The following LRMDA variants were observed in gnomAD, a reference collection of about 807,000 sequenced individuals.
LRMDA encodes the protein leucine rich melanocyte differentiation associated, also known as leucine-rich melanocyte differentiation-associated protein.
LRMDA carries 18 observed loss-of-function variants against 29.8 expected under a neutral mutation model. The observed-to-expected ratio is 0.60, with a 90% CI of 0.42 to 0.90. The LOEUF (loss-of-function observed/expected upper bound fraction) is 0.90. Among genes scored for constraint, LRMDA ranks in the 40% least tolerant of loss-of-function variants. LRMDA has a pLI of 0.00. For missense variants in LRMDA, 273 were observed against 273.9 expected (o/e 1.00, Z 0.02); for synonymous variants, 125 against 109.4 (o/e 1.14, Z -0.89).
At chr10:75,932,595 G>A (rs974763392) in intron 2 of LRMDA, among the ~76,000 whole-genome samples, 1 of 152,064 alleles carries the variant, frequency 6.6e-6, no homozygotes, top group East Asian at 1.9e-4. Flanking sequence ...CTGGGCAATA[G>A]AGTGAGACTC....
chr10:75,940,785 C>T lies in LRMDA; in HGVS notation c.132-95223C>T, dbSNP rs148159118. On this transcript the variant is annotated intron_variant, in intron 2 of 6. Transcript: ENST00000611255. The stretch of plus-strand genomic sequence containing the variant: ...AATTTATGGGGTGTGTGTGTGTGTG[C>T]GCGCGCGTGTGTGTGTGTTGAGGGG... Among the ~76,000 whole-genome samples the T allele has an allele frequency of 1.7e-3, 259 of 150,540 alleles. No individual in the cohort carries two copies. In the East Asian group the frequency reaches 0.023, roughly 13 times the overall value.
intron 5 of LRMDA, among the ~76,000 whole-genome samples, chr10:76,226,121 A>G (rs1181136430): frequency 6.6e-6 from 1 of 151,850 alleles, no homozygotes; most frequent in East Asian, 1.9e-4. Context: ...TAATCCAGAG[A>G]CTGGATAATT....
chr10:76,557,003 CATTTT>C (rs1316492830), intron 6 of LRMDA, among the ~76,000 whole-genome samples: 1 of 152,146 alleles, frequency 6.6e-6, no homozygotes, highest in Non-Finnish European at 1.5e-5. Flanking sequence ...CTTGTAGTGA[CATTTT>C]ATTTCAATGT....
At chr10:75,698,001 G>A (rs1467496330) in intron 2 of LRMDA, among the ~76,000 whole-genome samples, 2 of 152,082 alleles carry the variant, frequency 1.3e-5, no homozygotes, top group Non-Finnish European at 1.5e-5. Context: ...CCTTACAGTC[G>A]CCCTCTGGAG....
chr10:75,830,221 G>A (rs551081311), intron 2 of LRMDA, among the ~76,000 whole-genome samples: 18 of 152,292 alleles, frequency 1.2e-4, no homozygotes, highest in Non-Finnish European at 2.1e-4. Context: ...CCCAGCAGAT[G>A]CTCAGGAGGT....
rs368070277 is a variant in LRMDA at position 76,184,677 on chromosome 10, TC to T, written c.516+125898del. Reference sequence around the variant, plus strand: ...GTAGAATTTTCTAAGTTTTAAAGTTTCCCCAATTGCCAGAGCTCAAGTATGT... The same window carrying T: ...GTAGAATTTTCTAAGTTTTAAAGTTTCCCAATTGCCAGAGCTCAAGTATGT... On this transcript the variant is annotated intron_variant, in intron 5 of 6. Transcript: ENST00000611255. Among the ~76,000 whole-genome samples the T allele has an allele frequency of 1.4e-3, 220 of 152,328 alleles. 1 individual carries two copies. The highest frequency in any genetic ancestry group is 5.1e-3 in the African/African-American group (212 of 41,582).
chr10:75,825,858 T>C (rs896591257), intron 2 of LRMDA, among the ~76,000 whole-genome samples: 1 of 152,138 alleles, frequency 6.6e-6, no homozygotes, highest in African/African-American at 2.4e-5. Flanking sequence ...AGGCGGAGGT[T>C]ACCCAGTGAC....
Position 75,559,449 on chromosome 10 carries a change from T to G in LRMDA, c.131+120955T>G, listed in dbSNP as rs571692310. Among the ~76,000 whole-genome samples, 9 of 151,920 alleles carry G rather than the reference T, an allele frequency of 5.9e-5. No individual in the cohort carries two copies. In the South Asian group the frequency reaches 1.7e-3, roughly 28 times the overall value. On this transcript the variant is annotated intron_variant, in intron 2 of 6. Coordinates refer to ENST00000611255, the MANE Select transcript of LRMDA (RefSeq NM_001305581.2). ...GGATATTAGCCCTTTGTCAGATGAG[T>G]AGGTTGCGAAAATTTTCTCCCATTT...
At chr10:76,298,298 G>A (rs931379789) in intron 5 of LRMDA, among the ~76,000 whole-genome samples, 1 of 152,210 alleles carries the variant, frequency 6.6e-6, no homozygotes, top group Non-Finnish European at 1.5e-5. Context: ...GGTACCAGCT[G>A]CATATTGGAG....
intron 2 of LRMDA, among the ~76,000 whole-genome samples, chr10:75,783,648 G>A (rs1843422819): frequency 6.6e-6 from 1 of 152,136 alleles, no homozygotes; most frequent in Admixed American, 6.6e-5. Context: ...CATGATGTAA[G>A]TATTAACCTT....
chr10:75,506,799 A>C (rs566598461), intron 2 of LRMDA, among the ~76,000 whole-genome samples: 2 of 152,334 alleles, frequency 1.3e-5, no homozygotes, highest in Non-Finnish European at 2.9e-5. Context: ...GTGTGAAAGC[A>C]GAGATTCTTT....
At chr10:76,395,610 C>T (rs1390669362) in intron 6 of LRMDA, among the ~76,000 whole-genome samples, 1 of 152,212 alleles carries the variant, frequency 6.6e-6, no homozygotes, top group East Asian at 1.9e-4. Flanking sequence ...TGTTATTTTG[C>T]TTATGTGTTC....
chr10:76,253,856 C>T (rs1852531990), intron 5 of LRMDA, among the ~76,000 whole-genome samples: 1 of 152,118 alleles, frequency 6.6e-6, no homozygotes, highest in African/African-American at 2.4e-5. Context: ...TCCTATGTCT[C>T]ATAAGCTCTC....
chr10:76,465,288 G>T (rs1017187786), intron 6 of LRMDA, among the ~76,000 whole-genome samples: 31 of 152,156 alleles, frequency 2.0e-4, no homozygotes, highest in Non-Finnish European at 1.2e-4. Context: ...ATTAAGGGCT[G>T]CCATAGAGAT....
intron 5 of LRMDA, among the ~76,000 whole-genome samples, chr10:76,148,750 G>A (rs1352110094): frequency 1.3e-5 from 2 of 152,144 alleles, no homozygotes; most frequent in Non-Finnish European, 2.9e-5. Flanking sequence ...TACCTCAGTT[G>A]GAAATGCAGA....
At position 76,276,065 on chromosome 10, in the gene LRMDA, C is replaced by T. The variant is rs9971064; in HGVS notation, c.517-48336C>T. On this transcript the variant is annotated intron_variant, in intron 5 of 6. Transcript: ENST00000611255. Reference sequence around the variant, plus strand: ...TCTATCTATCTATCTCTTTCTTTCTCTCTTTCTTTCTCTCTCTTTCTTTCT... The same window carrying T: ...TCTATCTATCTATCTCTTTCTTTCTTTCTTTCTTTCTCTCTCTTTCTTTCT... 3.4e-5 allele frequency among the ~76,000 whole-genome samples: 5 copies of T among 147,170 alleles called. 1 individual carries two copies. Among genetic ancestry groups the T allele is most frequent in the South Asian group, 2.2e-4 (1 of 4,628 alleles).
At chr10:76,501,868 G>T (rs1842913427) in intron 6 of LRMDA, among the ~76,000 whole-genome samples, 1 of 151,626 alleles carries the variant, frequency 6.6e-6, no homozygotes, top group Admixed American at 6.6e-5. Flanking sequence ...TTTAATTAGG[G>T]CTCACTTGTC....
At chr10:75,791,856 CTTTTTTTTTT>C (rs5786188) in intron 2 of LRMDA, among the ~76,000 whole-genome samples, 5,057 of 102,104 alleles carry the variant, frequency 0.05, 262 homozygotes, top group African/African-American at 0.13. Context: ...ATTCCAGGAT[CTTTTTTTTTT>C]TTTTTTTTTT....
At chr10:75,930,463 G>T (rs570052745) in intron 2 of LRMDA, among the ~76,000 whole-genome samples, 54 of 152,258 alleles carry the variant, frequency 3.5e-4, no homozygotes, top group African/African-American at 1.3e-3. Context: ...TATATGTAAT[G>T]TATGACAGAG....
Sources: allele counts gnomAD v4.1 joint callset (sites outside exome capture counted in the v4.1 genomes callset), GRCh38; gene constraint gnomAD v4.1.1; transcripts MANE v1.5; gene names NCBI Gene and HGNC (gene_info 2026-07-23, HGNC 2026-07-21).